Variants in CACNA1B observed in about 807,000 individuals in gnomAD.
CACNA1B encodes calcium voltage-gated channel subunit alpha1 B, also known as voltage-dependent N-type calcium channel subunit alpha-1B.
Under a neutral mutation model 247.2 loss-of-function variants are expected in CACNA1B, and 70 were observed. The observed-to-expected ratio is 0.28, with a 90% CI of 0.23 to 0.35. CACNA1B has a LOEUF of 0.35. Ranked by LOEUF, CACNA1B falls within the 10% of genes least tolerant of loss-of-function variation. CACNA1B has a pLI of 1.00. For synonymous variants in CACNA1B, 1,231 were observed against 1,294.4 expected (o/e 0.95, Z 1.05); for missense variants, 2,367 against 3,197.4 (o/e 0.74, Z 6.26).
intron 6 of CACNA1B, among the ~76,000 whole-genome samples, chr9:137,948,831 ACTTGTGTCTAGTGTG>A (rs1957830799): frequency 8.6e-6 from 1 of 116,760 alleles, no homozygotes; most frequent in Admixed American, 8.7e-5. Context: ...TGGTGTGTGC[ACTTGTGTCTAGTGTG>A]TGTATGTGGT....
intron 22 of CACNA1B, 47 bp from the exon 23 acceptor site, chr9:138,047,352 T>G (rs762882399): frequency 4.4e-5 from 64 of 1,461,668 alleles, no homozygotes; most frequent in Admixed American, 6.7e-5. Context: ...GCACCCTGGC[T>G]CAGATTTCAG....
rs1260540391 is a variant in CACNA1B, at chr9:138,023,657, G to A, written c.2914G>A (p.Gly972Arg). Reference protein sequence around the residue: ...PRAGPREAESGEEPARRHRAR... With the variant: ...PRAGPREAESREEPARRHRAR... ...AGCGGGGCCCCGGGAGGCGGAGAGCGGGGAGGAGCCGGCGCGGCGGCACCG... is the reference window on the plus strand; with the variant it reads ...AGCGGGGCCCCGGGAGGCGGAGAGCAGGGAGGAGCCGGCGCGGCGGCACCG... The change falls in exon 19 of 47, where the codon GGG becomes AGG. Residue 972 changes from glycine to arginine, a missense_variant. Physicochemically the swap from Gly to Arg is moderately radical, Grantham distance 125 (BLOSUM62 -2). This residue lies in a region of CACNA1B where 631 missense variants were observed against 631.1 expected (regional missense o/e 1.00). Transcript: ENST00000371372. 4.7e-6 allele frequency: 7 copies of A among 1,480,534 alleles called. No individual in the cohort carries two copies. The highest frequency in any genetic ancestry group is 1.3e-5 in the South Asian group (1 of 77,974). The allele number at this position is 1,480,534 out of a possible 1,614,324, so 91.7% of individuals were successfully genotyped here.
rs1958720276 is a variant in CACNA1B, at chr9:138,011,211, G to A, written c.2160+1134G>A. On this transcript the variant is annotated intron_variant, in intron 17 of 46. Coordinates refer to ENST00000371372, the MANE Select transcript of CACNA1B (RefSeq NM_000718.4). The surrounding 1 kb of genome is among the most constrained non-coding windows in gnomAD (Gnocchi z 4.2). The stretch of plus-strand genomic sequence containing the variant: ...CCCACAGAGCTCTCCTTGGTGCCGG[G>A]GTTGCCTTGGAGCCCGGGGCCCTAG... Among the ~76,000 whole-genome samples the A allele has an allele frequency of 6.6e-6, 1 of 152,216 alleles. No homozygotes were observed. The highest frequency in any genetic ancestry group is 2.4e-5 in the African/African-American group (1 of 41,450).
At chr9:138,036,857 A>G (rs1959053717) in intron 20 of CACNA1B, among the ~76,000 whole-genome samples, 1 of 152,198 alleles carries the variant, frequency 6.6e-6, no homozygotes, top group African/African-American at 2.4e-5. Context: ...ATGTCTGACA[A>G]TTAAGGATTT....
intron 12 of CACNA1B, among the ~76,000 whole-genome samples, chr9:137,978,978 T>C (rs192232119): frequency 2.4e-4 from 37 of 152,306 alleles, no homozygotes; most frequent in African/African-American, 8.4e-4. Flanking sequence ...ACCCTTTGAC[T>C]TCTTGGTCAC....
chr9:137,955,617 C>CTGGTCCTT lies in CACNA1B; in HGVS notation c.1071-79_1071-72dup, dbSNP rs1473074219. 1 of 939,074 alleles carries CTGGTCCTT rather than the reference C, an allele frequency of 1.1e-6. No individual in the cohort carries two copies. The highest frequency in any genetic ancestry group is 2.6e-5 in the East Asian group (1 of 38,240). 58.2% of individuals were successfully genotyped at this position (939,074 alleles called of 1,614,324 possible). On this transcript the variant is annotated intron_variant, in intron 7 of 46. Transcript: ENST00000371372. This position sits in a 1 kb window ranked among gnomAD's most constrained non-coding sequence, Gnocchi z 6.9. ...CTGCGTCTCCTGTCCCAGGCTTTCC[C>CTGGTCCTT]TGGTCCTTTTTGTCTCTGGGGCTGC...
rs914321425 is a variant in CACNA1B at position 137,940,213 on chromosome 9, C to A, written c.967-12061C>A. On this transcript the variant is annotated intron_variant, in intron 6 of 46. Transcript: ENST00000371372. ...AAAAAAGAGAGAAAATCCAAAGAAGCTCAATTAGAAATGAAATGGGAGATA... is the reference window on the plus strand; with the variant it reads ...AAAAAAGAGAGAAAATCCAAAGAAGATCAATTAGAAATGAAATGGGAGATA... Among the ~76,000 whole-genome samples, 11 of 152,194 alleles carry A rather than the reference C, an allele frequency of 7.2e-5. No homozygotes were observed. The East Asian group carries it at 2.1e-3, about 29-fold the overall frequency.
chr9:137,939,885 T>C (rs1957713058), intron 6 of CACNA1B, among the ~76,000 whole-genome samples: 2 of 151,702 alleles, frequency 1.3e-5, no homozygotes, highest in Non-Finnish European at 1.5e-5. Context: ...ATGACAGTAG[T>C]GACGCAACCT....
chr9:137,960,604 G>A (rs1435475732), intron 10 of CACNA1B, among the ~76,000 whole-genome samples: 1 of 151,916 alleles, frequency 6.6e-6, no homozygotes, highest in African/African-American at 2.4e-5. Context: ...TCCAGGCAAC[G>A]AGTGCCAAGA....
At chr9:137,989,683 C>G (rs1275828958) in intron 15 of CACNA1B, among the ~76,000 whole-genome samples, 1 of 152,132 alleles carries the variant, frequency 6.6e-6, no homozygotes, top group African/African-American at 2.4e-5. Context: ...GCCAAGAATT[C>G]TGAATCCAGA....
Position 137,971,479 on chromosome 9 carries a change from G to T in CACNA1B, c.1430G>T (p.Arg477Leu). Residue 477 changes from arginine to leucine, a missense_variant, in exon 11 of 47, where the codon CGC becomes CTC. Transcript: ENST00000371372. This position sits in a 1 kb window ranked among gnomAD's most constrained non-coding sequence, Gnocchi z 4.4. ...KEKMFRFFIRRMVKAQSFYWV... is the reference protein window; with the variant it reads ...KEKMFRFFIRLMVKAQSFYWV... ...AAGATGTTCCGGTTTTTTATCCGGCGCATGGTGAAGGCTCAGAGCTTCTAC... is the reference window on the plus strand; with the variant it reads ...AAGATGTTCCGGTTTTTTATCCGGCTCATGGTGAAGGCTCAGAGCTTCTAC... 6.2e-7 allele frequency: 1 copy of T among 1,613,450 alleles called. No individual in the cohort carries two copies.
At chr9:138,079,437 A>G (rs1381562738) in intron 36 of CACNA1B, among the ~76,000 whole-genome samples, 1 of 152,092 alleles carries the variant, frequency 6.6e-6, no homozygotes, top group Admixed American at 6.5e-5. Flanking sequence ...GTGATGCAAG[A>G]TGATGACCAA....
In CACNA1B at chr9:138,059,852, C is replaced by T. The variant is rs1253071069; in HGVS notation, c.4668+115C>T. Reference sequence around the variant, plus strand: ...AGCCTCTTCCTGGGTTCCGCAGAACCCCCTGGACATGTGGAGGCTTCGCTC... The same window carrying T: ...AGCCTCTTCCTGGGTTCCGCAGAACTCCCTGGACATGTGGAGGCTTCGCTC... On this transcript the variant is annotated intron_variant, in intron 31 of 46. Coordinates refer to ENST00000371372, the MANE Select transcript of CACNA1B (RefSeq NM_000718.4). This position sits in a 1 kb window ranked among gnomAD's most constrained non-coding sequence, Gnocchi z 4.2. The T allele has an allele frequency of 3.3e-5, 23 of 688,118 alleles. No individual in the cohort carries two copies. Among genetic ancestry groups the T allele is most frequent in the Non-Finnish European group, 4.5e-5 (17 of 380,290 alleles). 42.6% of individuals were successfully genotyped at this position (688,118 alleles called of 1,614,324 possible).
chr9:138,100,878 G>A lies in CACNA1B; in HGVS notation c.5223-1833G>A, dbSNP rs1961227506. Among the ~76,000 whole-genome samples, 2 of 152,120 alleles carry A rather than the reference G, an allele frequency of 1.3e-5. No individual in the cohort carries two copies. Among genetic ancestry groups the A allele is most frequent in the South Asian group, 4.1e-4 (2 of 4,824 alleles). On this transcript the variant is annotated intron_variant, in intron 37 of 46. Coordinates refer to ENST00000371372, the MANE Select transcript of CACNA1B (RefSeq NM_000718.4). The surrounding 1 kb of genome is among the most constrained non-coding windows in gnomAD (Gnocchi z 4.6). ...GAGGGGCAGGGCAGTGTTCTGTGTG[G>A]AGCGGCTCCTGCACACATCGGGCTC...
chr9:138,040,746 G>A (rs546844824), intron 20 of CACNA1B: 1 of 193,398 alleles, frequency 5.2e-6, no homozygotes, highest in African/African-American at 2.4e-5. Flanking sequence ...GTGCCCACCA[G>A]AGGAAGGGTG....
intron 6 of CACNA1B, among the ~76,000 whole-genome samples, chr9:137,949,262 T>TG (rs1957847547): frequency 7.8e-6 from 1 of 128,404 alleles, no homozygotes; most frequent in African/African-American, 3.0e-5. Flanking sequence ...GTGTGGTGCG[T>TG]GTGTGTGTCT....
intron 44 of CACNA1B, 93 bp downstream of exon 44, chr9:138,118,861 G>T: frequency 1.5e-6 from 1 of 664,422 alleles, no homozygotes; most frequent in Non-Finnish European, 2.6e-6. Context: ...GGTGAGGAGA[G>T]CTGGGGTAGA....
intron 15 of CACNA1B, among the ~76,000 whole-genome samples, chr9:137,995,862 G>A (rs1380803266): frequency 6.6e-6 from 1 of 152,150 alleles, no homozygotes; most frequent in Non-Finnish European, 1.5e-5. Context: ...AGAGGGCTAA[G>A]GACATGAATA....
At position 138,122,036 on chromosome 9, in the gene CACNA1B, G is replaced by A; in HGVS notation, c.*37G>A. On this transcript the variant is annotated 3_prime_UTR_variant, in exon 47 of 47. Coordinates refer to ENST00000371372, the MANE Select transcript of CACNA1B (RefSeq NM_000718.4). Reference sequence around the variant, plus strand: ...CCGCTCAGACGCCTGCATGCAGCAGGCGTGTGTTCCAGTGGATGAGTTTTA... The same window carrying A: ...CCGCTCAGACGCCTGCATGCAGCAGACGTGTGTTCCAGTGGATGAGTTTTA... 6.5e-7 allele frequency: 1 copy of A among 1,549,478 alleles called. No individual in the cohort carries two copies. The highest frequency in any genetic ancestry group is 8.7e-7 in the Non-Finnish European group (1 of 1,149,956).
Sources: gnomAD v4.1 joint callset for allele counts (sites outside exome capture counted in the v4.1 genomes callset) on GRCh38, gnomAD v4.1.1 for gene constraint, gnomAD v4.1.1 regional missense constraint, Gnocchi (gnomAD v3.1) non-coding constraint, MANE v1.5 for transcripts, NCBI Gene and HGNC (gene_info 2026-07-23, HGNC 2026-07-21) for gene names.